DPP6: variants seen among roughly 807,000 people sequenced by gnomAD.
DPP6 encodes dipeptidyl peptidase like 6.
DPP6 carries 69 observed loss-of-function variants against 122.6 expected under a neutral mutation model. The ratio of observed to expected loss-of-function variants is 0.56; its 90% confidence interval spans 0.46 to 0.69. The LOEUF (loss-of-function observed/expected upper bound fraction) is 0.69. Among genes scored for constraint, DPP6 ranks in the 30% least tolerant of loss-of-function variants. The probability of loss-of-function intolerance (pLI) is 0.00; values close to 1 mark genes in which losing one functional copy is unlikely to be tolerated. For synonymous variants in DPP6, 418 were observed against 433.1 expected (o/e 0.97, Z 0.43); for missense variants, 928 against 1,116.9 (o/e 0.83, Z 2.41).
At chr7:154,590,896 G>A (rs1468765040) in intron 5 of DPP6, among the ~76,000 whole-genome samples, 1 of 152,140 alleles carries the variant, frequency 6.6e-6, no homozygotes, top group East Asian at 1.9e-4. Flanking sequence ...CTGTATCTCA[G>A]CCCATAATGA....
chr7:154,699,863 T>G (rs976173772), intron 7 of DPP6, among the ~76,000 whole-genome samples: 12 of 152,126 alleles, frequency 7.9e-5, no homozygotes, highest in African/African-American at 2.9e-4. Flanking sequence ...AACAGCACCT[T>G]CCTTTCCTAG....
chr7:154,508,912 G>A (rs1825856672), intron 3 of DPP6, among the ~76,000 whole-genome samples: 1 of 152,026 alleles, frequency 6.6e-6, no homozygotes, highest in Non-Finnish European at 1.5e-5. Flanking sequence ...AAATAATTCT[G>A]GACAATTAGA....
intron 8 of DPP6, among the ~76,000 whole-genome samples, chr7:154,758,620 C>T (rs567964923): frequency 4.3e-4 from 66 of 152,288 alleles, no homozygotes; most frequent in African/African-American, 1.5e-3. Flanking sequence ...GATCTGCTCT[C>T]CTCAGCCTCC....
At chr7:154,023,568 G>A (rs1279224700) in intron 1 of DPP6, among the ~76,000 whole-genome samples, 4 of 151,470 alleles carry the variant, frequency 2.6e-5, no homozygotes, top group South Asian at 2.1e-4. Flanking sequence ...TGCAACCTCC[G>A]CCTCCTGGGT....
chr7:154,271,439 C>A (rs1803783986), intron 1 of DPP6, among the ~76,000 whole-genome samples: 2 of 152,158 alleles, frequency 1.3e-5, no homozygotes, highest in Admixed American at 1.3e-4. Context: ...TCATACAGAG[C>A]AAGGACAACC....
rs568136471 is a variant in DPP6, at chr7:154,052,964, G to A, written c.144G>A (p.Ala48=). ...GAGCCAAGCCCCTCGGCCCGCGGGC[G>A]CAGGCGGCGGCGCCCCGGGAGCGCG... ...GAGAKPLGPR[A]QAAAPRERGG... Residue 48 remains alanine, a synonymous_variant, in exon 1 of 26, where the codon GCG becomes GCA. Coordinates refer to ENST00000377770, the MANE Select transcript of DPP6 (RefSeq NM_130797.4). This position sits in a 1 kb window ranked among gnomAD's most constrained non-coding sequence, Gnocchi z 4.8. 24,541 of 1,112,132 alleles carry A rather than the reference G, an allele frequency of 0.022. 302 individuals carry two copies. Among genetic ancestry groups the A allele is most frequent in the Non-Finnish European group, 0.025 (22,710 of 910,748 alleles). The allele number at this position is 1,112,132 out of a possible 1,614,324, so 68.9% of individuals were successfully genotyped here. A position where few individuals can be genotyped will look rare whatever the true frequency, so the allele number is the denominator to read the frequency against.
In DPP6 at chr7:153,905,533, G is replaced by C. The variant is rs918163766; in HGVS notation, c.51+17799G>C. Among the ~76,000 whole-genome samples the C allele has an allele frequency of 2.0e-5, 3 of 151,966 alleles. No homozygotes were observed. The South Asian group carries it at 6.2e-4, about 32-fold the overall frequency. ...AAAGATACAATGGGTGAGAAAGATG[G>C]TTCTCTCACATTGTCAATCCAAGGC... On this transcript the variant is annotated intron_variant, in intron 1 of 25. Coordinates refer to the DPP6 transcript ENST00000404039.
chr7:154,178,922 G>A (rs1248145149), intron 1 of DPP6, among the ~76,000 whole-genome samples: 1 of 152,170 alleles, frequency 6.6e-6, no homozygotes, highest in Non-Finnish European at 1.5e-5. Flanking sequence ...AAGGGAAGTG[G>A]CAGGGTCCCA....
chr7:153,774,551 G>A, the DPP6 span, among the ~76,000 whole-genome samples: 1 of 152,172 alleles, frequency 6.6e-6, no homozygotes, highest in Admixed American at 6.5e-5. Context: ...GGGTAATTTG[G>A]AAGCTTGCCA....
chr7:154,163,683 G>A (rs1797091749), intron 1 of DPP6, among the ~76,000 whole-genome samples: 1 of 152,166 alleles, frequency 6.6e-6, no homozygotes, highest in Non-Finnish European at 1.5e-5. Flanking sequence ...TTTCCTATGG[G>A]GATGGTGGGG....
the DPP6 span, among the ~76,000 whole-genome samples, chr7:153,829,464 T>C: frequency 3.3e-5 from 5 of 152,168 alleles, no homozygotes; most frequent in East Asian, 1.9e-4. Context: ...TCTGCCCACG[T>C]TGGCCTCCCA....
intron 1 of DPP6, among the ~76,000 whole-genome samples, chr7:153,984,062 A>G (rs1796722929): frequency 8.9e-6 from 1 of 112,028 alleles, no homozygotes; most frequent in Non-Finnish European, 1.8e-5. Flanking sequence ...TAACACACAC[A>G]CACACACACA....
chr7:154,128,901 T>C (rs1160901255), intron 1 of DPP6, among the ~76,000 whole-genome samples: 6 of 150,578 alleles, frequency 4.0e-5, no homozygotes, highest in Non-Finnish European at 7.4e-5. Flanking sequence ...AGGGTAACTT[T>C]CCACAGTTCC....
intron 7 of DPP6, among the ~76,000 whole-genome samples, chr7:154,694,052 G>A (rs1840078197): frequency 6.6e-6 from 1 of 152,210 alleles, no homozygotes; most frequent in African/African-American, 2.4e-5. Flanking sequence ...GGAAGTCAAG[G>A]TTAACTTGCT....
chr7:153,794,309 C>A, the DPP6 span, among the ~76,000 whole-genome samples: 4 of 143,824 alleles, frequency 2.8e-5, no homozygotes, highest in African/African-American at 1.1e-4. Flanking sequence ...TGGGAACCCA[C>A]CTCTTGCATC....
chr7:154,449,982 C>G (rs1372105900), intron 2 of DPP6, among the ~76,000 whole-genome samples: 1 of 151,456 alleles, frequency 6.6e-6, no homozygotes, highest in Non-Finnish European at 1.5e-5. Context: ...GCATTCCAGC[C>G]TGGGTGACAG....
In DPP6 at chr7:154,152,879, A is replaced by C. The variant is rs566913024; in HGVS notation, c.243+99816A>C. On this transcript the variant is annotated intron_variant, in intron 1 of 25. Transcript: ENST00000377770. ...GACTTGCCGGAGTTGGAAGACTGCAAGTACCTGCCCAAATGTCCACCCAAC... is the reference window on the plus strand; with the variant it reads ...GACTTGCCGGAGTTGGAAGACTGCACGTACCTGCCCAAATGTCCACCCAAC... Among the ~76,000 whole-genome samples, 5 of 152,386 alleles carry C rather than the reference A, an allele frequency of 3.3e-5. No individual in the cohort carries two copies. In the South Asian group the frequency reaches 1.0e-3, roughly 32 times the overall value.
chr7:153,788,894 G>C, the DPP6 span, among the ~76,000 whole-genome samples: 11 of 151,950 alleles, frequency 7.2e-5, no homozygotes, highest in African/African-American at 2.7e-4. Context: ...GAACCCAGGA[G>C]GCAGAGGTTG....
chr7:154,104,787 A>G (rs543660275), intron 1 of DPP6, among the ~76,000 whole-genome samples: 1 of 152,252 alleles, frequency 6.6e-6, no homozygotes, highest in Admixed American at 6.5e-5. Flanking sequence ...GAGTGGTGGC[A>G]CACCTCTATG....
Sources: gnomAD v4.1 joint callset for allele counts (sites outside exome capture counted in the v4.1 genomes callset) on GRCh38, gnomAD v4.1.1 for gene constraint, Gnocchi (gnomAD v3.1) non-coding constraint, MANE v1.5 for transcripts, NCBI Gene and HGNC (gene_info 2026-07-23, HGNC 2026-07-21) for gene names.